CENPC: variants seen among roughly 807,000 people sequenced by gnomAD.
The protein encoded by CENPC is CENP-C 1.
Under a neutral mutation model 112.1 loss-of-function variants are expected in CENPC, and 63 were observed. The ratio of observed to expected loss-of-function variants is 0.56; its 90% CI spans 0.46 to 0.69. The LOEUF (loss-of-function observed/expected upper bound fraction) is 0.69, where lower values mean the gene tolerates loss of function less well. Ranked by LOEUF, CENPC falls within the 30% of genes least tolerant of loss-of-function variation. The pLI, the probability that CENPC is intolerant of heterozygous loss-of-function variation, is 0.00. For synonymous variants in CENPC, 333 were observed against 367.6 expected, an observed-to-expected ratio of 0.91 and a Z score of 1.08; for missense variants, 1,000 against 1,103.8, an observed-to-expected ratio of 0.91 and a Z score of 1.33.
At chr4:67,524,326 T>C (rs1009676466) in intron 5 of CENPC, among the ~76,000 whole-genome samples, 1 of 151,426 alleles carries the variant, frequency 6.6e-6, no homozygotes, top group Non-Finnish European at 1.5e-5. Flanking sequence ...GTTCTGGCCA[T>C]GGCAATCAGG....
chr4:67,521,716 G>A (rs910967247), intron 5 of CENPC, among the ~76,000 whole-genome samples: 42 of 152,128 alleles, frequency 2.8e-4, no homozygotes, highest in African/African-American at 8.2e-4. Flanking sequence ...GCCAAAAAGC[G>A]AAAACAACCC....
At chr4:67,476,839 G>A (rs1473411993) in intron 17 of CENPC, among the ~76,000 whole-genome samples, 1 of 152,204 alleles carries the variant, frequency 6.6e-6, no homozygotes, top group East Asian at 1.9e-4. Context: ...GGGCACAGTA[G>A]GAGTGAGACT....
intron 14 of CENPC, chr4:67,493,262 T>TAA: frequency 4.9e-6 from 1 of 205,690 alleles, no homozygotes; most frequent in Non-Finnish European, 9.5e-6. Flanking sequence ...GTGGAGGCTT[T>TAA]TAAAAAAAAA....
intron 12 of CENPC, among the ~76,000 whole-genome samples, chr4:67,495,802 G>GT (rs1356780936): frequency 2.0e-5 from 3 of 152,170 alleles, no homozygotes; most frequent in African/African-American, 7.2e-5. Flanking sequence ...CTAAAATAGT[G>GT]TAAGTGTACT....
At chr4:67,543,311 AC>A (rs1161141598) in intron 2 of CENPC, among the ~76,000 whole-genome samples, 7 of 152,152 alleles carry the variant, frequency 4.6e-5, no homozygotes, top group Non-Finnish European at 1.0e-4. Context: ...TCGTTAAGTT[AC>A]TTTCTATGTC....
At position 67,486,968 on chromosome 4, in the gene CENPC, G is replaced by GTTTTT. The variant is rs58948980; in HGVS notation, c.2670+2994_2670+2998dup. On this transcript the variant is annotated intron_variant, in intron 17 of 18. Transcript: ENST00000273853. ...ATTCAGGTTTTGTATTTGCTTTTAGGTTTTTTTTTTTTTTTTTCTTTTTTA... is the reference window on the plus strand; with the variant it reads ...ATTCAGGTTTTGTATTTGCTTTTAGGTTTTTTTTTTTTTTTTTTTTTTCTTTTTTA... Among the ~76,000 whole-genome samples, 117 of 131,826 alleles carry GTTTTT rather than the reference G, an allele frequency of 8.9e-4. 7 individuals are homozygous for GTTTTT. The highest frequency in any genetic ancestry group is 2.3e-3 in the African/African-American group (81 of 35,330). The allele number at this position is 131,826 out of a possible 152,430, so 86.5% of individuals were successfully genotyped here. A position where few individuals can be genotyped will look rare whatever the true frequency, so the allele number is the denominator to read the frequency against.
intron 18 of CENPC, among the ~76,000 whole-genome samples, chr4:67,474,534 C>T (rs1361463013): frequency 6.6e-6 from 1 of 152,014 alleles, no homozygotes; most frequent in East Asian, 1.9e-4. Context: ...CCCGCCTCTA[C>T]TAAAAATACA....
rs976477714 is a variant in CENPC, at chr4:67,471,531, A to T, written c.*1074T>A. ...TCATAACAAATATATTCAAAGAAATAAAAGTAAAAAAAAAATTAAAAATGA... is the reference window on the plus strand; with the variant it reads ...TCATAACAAATATATTCAAAGAAATTAAAGTAAAAAAAAAATTAAAAATGA... On this transcript the variant is annotated 3_prime_UTR_variant, in exon 19 of 19. Coordinates refer to ENST00000273853, the MANE Select transcript of CENPC (RefSeq NM_001812.4). 3.9e-5 allele frequency: 6 copies of T among 152,158 alleles called. No individual in the cohort carries two copies. The highest frequency in any genetic ancestry group is 1.4e-4 in the African/African-American group (6 of 41,432). 9.4% of individuals were successfully genotyped at this position (152,158 alleles called of 1,614,324 possible). A position where few individuals can be genotyped will look rare whatever the true frequency, so the allele number is the denominator to read the frequency against.
At chr4:67,541,880 T>C (rs983282415) in intron 2 of CENPC, among the ~76,000 whole-genome samples, 1 of 152,218 alleles carries the variant, frequency 6.6e-6, no homozygotes, top group Non-Finnish European at 1.5e-5. Flanking sequence ...TGGCAACCAC[T>C]AATCTGTCCT....
At chr4:67,509,781 C>T (rs1328703399) in intron 9 of CENPC, among the ~76,000 whole-genome samples, 1 of 152,068 alleles carries the variant, frequency 6.6e-6, no homozygotes, top group Non-Finnish European at 1.5e-5. Context: ...TAATCTCCCC[C>T]TCCCTAGCCT....
chr4:67,524,358 A>T (rs1351077203), intron 5 of CENPC, among the ~76,000 whole-genome samples: 2 of 97,592 alleles, frequency 2.0e-5, no homozygotes, highest in East Asian at 9.1e-4. Context: ...AATAAAGTGT[A>T]TTCAAACAGG....
rs1430079262 is a variant in CENPC at position 67,514,671 on chromosome 4, C to T, written c.847G>A (p.Ala283Thr). 2 of 1,607,078 alleles carry T rather than the reference C, an allele frequency of 1.2e-6. No homozygotes were observed. Among genetic ancestry groups the T allele is most frequent in the Non-Finnish European group, 1.7e-6 (2 of 1,176,918 alleles). Residue 283 changes from alanine to threonine, a missense_variant, in exon 8 of 19, where the codon GCG becomes ACG. By Grantham distance (58) the Ala-to-Thr change is moderately conservative. Transcript: ENST00000273853. ...CACGAATGAGGTGGAGCAGTTGCCG[C>T]ATGCCTAACAATGGGACTGAAACAG... Reference protein sequence around the residue: ...KSESSPIVRHAATAPPHSCPP... With the variant: ...KSESSPIVRHTATAPPHSCPP...
At chr4:67,537,101 C>T (rs1726742894) in intron 4 of CENPC, among the ~76,000 whole-genome samples, 1 of 149,944 alleles carries the variant, frequency 6.7e-6, no homozygotes, top group Non-Finnish European at 1.5e-5. Flanking sequence ...ACTGTAGATC[C>T]TACAGACATT....
At chr4:67,544,235 T>C (rs760672259) in intron 1 of CENPC, 40 bp from the exon 2 acceptor site, 9 of 1,106,456 alleles carry the variant, frequency 8.1e-6, no homozygotes, top group African/African-American at 4.6e-5. Flanking sequence ...TTCTTTAAGA[T>C]AGAGTCGAGT....
At chr4:67,512,084 T>C (rs930427323) in intron 9 of CENPC, 18 of 196,268 alleles carry the variant, frequency 9.2e-5, no homozygotes, top group African/African-American at 4.0e-4. Context: ...ATTATCAATC[T>C]TTGTATCCCT....
intron 6 of CENPC, 122 bp from the exon 7 acceptor site, chr4:67,518,490 T>A: frequency 9.6e-7 from 1 of 1,046,556 alleles, no homozygotes. Context: ...AGGCATTTAT[T>A]TAAGACATAA....
In CENPC at chr4:67,490,034, G is replaced by GA. The variant is rs778937184; in HGVS notation, c.2602dup (p.Ser868PhefsTer28). On this transcript the variant is annotated frameshift_variant, in exon 17 of 19. Transcript: ENST00000273853. LOFTEE classifies it high-confidence loss of function. ...TGGTCCTAATATCAATTTCCCAGTA[G>GA]AAAAAAAGGGTGTATCCAATGTCTT... is the stretch of plus-strand genomic sequence containing the variant. The GA allele has an allele frequency of 6.2e-7, 1 of 1,604,570 alleles. No individual in the cohort carries two copies. Among genetic ancestry groups the GA allele is most frequent in the Non-Finnish European group, 8.5e-7 (1 of 1,175,478 alleles).
At chr4:67,482,084 T>A (rs1724973150) in intron 17 of CENPC, among the ~76,000 whole-genome samples, 1 of 151,420 alleles carries the variant, frequency 6.6e-6, no homozygotes, top group Non-Finnish European at 1.5e-5. Context: ...AACCAAACAA[T>A]CTCATCAAAA....
At chr4:67,534,155 C>A (rs1253364276) in intron 4 of CENPC, among the ~76,000 whole-genome samples, 2 of 152,154 alleles carry the variant, frequency 1.3e-5, no homozygotes, top group Non-Finnish European at 2.9e-5. Context: ...GTGGCTCACA[C>A]CTGTAATCCC....
Sources: gnomAD v4.1 joint callset for allele counts (sites outside exome capture counted in the v4.1 genomes callset) on GRCh38, gnomAD v4.1.1 for gene constraint, MANE v1.5 for transcripts, NCBI Gene and HGNC (gene_info 2026-07-23, HGNC 2026-07-21) for gene names.